TSHR: variants seen among roughly 807,000 people sequenced by gnomAD.
TSHR encodes the protein thyrotropin receptor.
TSHR carries 51 observed loss-of-function variants against 64.1 expected under a neutral mutation model. The ratio of observed to expected loss-of-function variants is 0.80; its 90% confidence interval spans 0.64 to 1.01. TSHR has a LOEUF of 1.01. Ranked by LOEUF, TSHR falls within the 50% of genes least tolerant of loss-of-function variation. The pLI, the probability that TSHR is intolerant of heterozygous loss-of-function variation, is 0.00. For synonymous variants in TSHR, 361 were observed against 361.9 expected (o/e 1.00, Z 0.03); for missense variants, 877 against 942.8 (o/e 0.93, Z 0.91).
intron 1 of TSHR, chr14:80,983,109 T>G (rs1164138276): frequency 4.3e-6 from 3 of 705,026 alleles, no homozygotes; most frequent in Non-Finnish European, 7.2e-6. Flanking sequence ...CTTGCTCAGT[T>G]TTCCTTCCCC....
rs1236102318 is a variant in TSHR at position 81,103,198 on chromosome 14, C to T, written c.615-5177C>T. ...TCCATGGTAATAATAAAATAGTATT[C>T]ACATTGTGTTTTTAACATAGGGATG... On this transcript the variant is annotated intron_variant, in intron 7 of 9. Coordinates refer to ENST00000298171, the MANE Select transcript of TSHR (RefSeq NM_000369.5). This position sits in a 1 kb window ranked among gnomAD's most constrained non-coding sequence, Gnocchi z 4.1. 2 of 985,374 alleles carry T rather than the reference C, an allele frequency of 2.0e-6. No homozygotes were observed. Among genetic ancestry groups the T allele is most frequent in the Non-Finnish European group, 2.4e-6 (2 of 829,906 alleles). 61.0% of individuals were successfully genotyped at this position (985,374 alleles called of 1,614,324 possible).
rs1361801204 is a variant in TSHR, at chr14:81,107,525, A to G, written c.615-850A>G. On this transcript the variant is annotated intron_variant, in intron 7 of 9. Coordinates refer to ENST00000298171, the MANE Select transcript of TSHR (RefSeq NM_000369.5). ...TCAAAATCCTTGGAAGCTTTTATCC[A>G]TTTGGAGGGAATTTTATTTCAAAAT... 2.6e-5 allele frequency among the ~76,000 whole-genome samples: 4 copies of G among 152,224 alleles called. No homozygotes were observed. The East Asian group carries it at 7.7e-4, about 29-fold the overall frequency.
chr14:80,991,510 C>T lies in TSHR; in HGVS notation c.170+35660C>T, dbSNP rs111324011. 8.6e-4 allele frequency: 344 copies of T among 398,064 alleles called. 3 individuals are homozygous for T. Among genetic ancestry groups the T allele is most frequent in the African/African-American group, 6.2e-3 (303 of 48,686 alleles). The allele number at this position is 398,064 out of a possible 1,614,324, so 24.7% of individuals were successfully genotyped here. On this transcript the variant is annotated intron_variant, in intron 1 of 9. Transcript: ENST00000298171. ...GAATTTTGCTTCATTTTATTATTAA[C>T]GCAACCATTCTTTCCAAATTTTATT...
intron 1 of TSHR, among the ~76,000 whole-genome samples, chr14:81,024,843 A>G (rs899285734): frequency 1.3e-5 from 2 of 152,182 alleles, no homozygotes; most frequent in African/African-American, 4.8e-5. Flanking sequence ...CACTAATGGC[A>G]CTTTGTATAG....
chr14:81,098,176 G>A (rs1889339656), intron 7 of TSHR, among the ~76,000 whole-genome samples: 1 of 152,160 alleles, frequency 6.6e-6, no homozygotes, highest in African/African-American at 2.4e-5. Context: ...TTCTGGTGGG[G>A]GTCAGCTCAA....
chr14:80,983,247 A>T (rs1246722373), intron 1 of TSHR: 1 of 1,259,194 alleles, frequency 7.9e-7, no homozygotes, highest in Non-Finnish European at 1.1e-6. Flanking sequence ...ATTTCCTTTG[A>T]ACTCACCTGG....
chr14:81,128,828 T>C (rs1891120803), intron 8 of TSHR, among the ~76,000 whole-genome samples: 1 of 152,186 alleles, frequency 6.6e-6, no homozygotes, highest in Non-Finnish European at 1.5e-5. Context: ...GAATGCCCTA[T>C]TTAAGTTTGC....
intron 8 of TSHR, among the ~76,000 whole-genome samples, chr14:81,131,050 T>TCTA (rs1375857129): frequency 6.6e-6 from 1 of 150,860 alleles, no homozygotes; most frequent in Non-Finnish European, 1.5e-5. Flanking sequence ...CATCTGGATG[T>TCTA]CTAATAGGCA....
At chr14:81,100,935 C>G (rs1256017965) in intron 7 of TSHR, among the ~76,000 whole-genome samples, 1 of 152,176 alleles carries the variant, frequency 6.6e-6, no homozygotes, top group Admixed American at 6.6e-5. Context: ...CATTGGTGAT[C>G]ATCTCAATCT....
Position 81,022,848 on chromosome 14 carries a change from G to A in TSHR, c.171-39300G>A, listed in dbSNP as rs554460166. 2.4e-3 allele frequency among the ~76,000 whole-genome samples: 362 copies of A among 152,148 alleles called. 3 individuals carry two copies. Among genetic ancestry groups the A allele is most frequent in the Non-Finnish European group, 3.3e-3 (224 of 67,948 alleles). On this transcript the variant is annotated intron_variant, in intron 1 of 9. Coordinates refer to ENST00000298171, the MANE Select transcript of TSHR (RefSeq NM_000369.5). Reference sequence around the variant, plus strand: ...AAGAACAAAAAAAAAGATGTGGGGCGTTTGGGAGGTGATTGGGTCATGAAG... The same window carrying A: ...AAGAACAAAAAAAAAGATGTGGGGCATTTGGGAGGTGATTGGGTCATGAAG...
chr14:81,021,029 G>T (rs1453682062), intron 1 of TSHR, among the ~76,000 whole-genome samples: 1 of 151,908 alleles, frequency 6.6e-6, no homozygotes, highest in Non-Finnish European at 1.5e-5. Flanking sequence ...AGGAAAACAA[G>T]CTCGGGGCTC....
At chr14:81,133,844 G>A (rs1326210848) in intron 8 of TSHR, among the ~76,000 whole-genome samples, 1 of 152,024 alleles carries the variant, frequency 6.6e-6, no homozygotes, top group African/African-American at 2.4e-5. Flanking sequence ...CTTTAACAAA[G>A]CAATAATTAA....
At chr14:81,087,256 A>G (rs1452514711) in intron 3 of TSHR, among the ~76,000 whole-genome samples, 6 of 152,338 alleles carry the variant, frequency 3.9e-5, no homozygotes, top group Admixed American at 3.9e-4. Flanking sequence ...TCTTTTAGCC[A>G]ATCAACCTAT....
intron 1 of TSHR, among the ~76,000 whole-genome samples, chr14:81,011,816 C>G (rs934542540): frequency 4.6e-5 from 7 of 151,932 alleles, no homozygotes; most frequent in African/African-American, 1.7e-4. Flanking sequence ...GCCGAGATCG[C>G]GCCACTGCAC....
chr14:80,986,446 G>A (rs1054207648), intron 1 of TSHR, among the ~76,000 whole-genome samples: 2 of 151,932 alleles, frequency 1.3e-5, no homozygotes, highest in African/African-American at 2.4e-5. Context: ...CTAACTCACT[G>A]TATATTTCCT....
intron 1 of TSHR, chr14:80,992,998 T>C (rs1343557527): frequency 1.3e-5 from 2 of 152,326 alleles, no homozygotes; most frequent in South Asian, 2.1e-4. Flanking sequence ...TAAATTCAGG[T>C]GACTCCATCT....
intron 8 of TSHR, among the ~76,000 whole-genome samples, chr14:81,110,272 G>C (rs1890169008): frequency 6.6e-6 from 1 of 152,216 alleles, no homozygotes; most frequent in Admixed American, 6.5e-5. Flanking sequence ...TTTGAAGATA[G>C]GGTCTGTAAA....
chr14:80,963,507 A>G (rs913807905), intron 1 of TSHR, among the ~76,000 whole-genome samples: 2 of 152,258 alleles, frequency 1.3e-5, no homozygotes, highest in African/African-American at 4.8e-5. Context: ...ACTATTAAAT[A>G]TAAGTTTTAC....
At chr14:81,008,163 T>C (rs1326710443) in intron 1 of TSHR, among the ~76,000 whole-genome samples, 3 of 135,842 alleles carry the variant, frequency 2.2e-5, no homozygotes, top group African/African-American at 5.4e-5. Flanking sequence ...TTGTAGACCA[T>C]TTTCTTTCTT....
Sources: gnomAD v4.1 joint callset for allele counts (sites outside exome capture counted in the v4.1 genomes callset) on GRCh38, gnomAD v4.1.1 for gene constraint, Gnocchi (gnomAD v3.1) non-coding constraint, MANE v1.5 for transcripts, NCBI Gene and HGNC (gene_info 2026-07-23, HGNC 2026-07-21) for gene names.